CFAP47: variants seen among roughly 807,000 people sequenced by gnomAD.
CFAP47 encodes cilia- and flagella-associated protein 47.
A neutral mutation model predicts 148.1 loss-of-function variants in CFAP47; 29 were observed. The ratio of observed to expected loss-of-function variants is 0.20; its 90% CI spans 0.15 to 0.27. CFAP47 has a LOEUF of 0.27. Ranked by LOEUF, CFAP47 falls within the 10% of genes least tolerant of loss-of-function variation. The pLI, the probability that CFAP47 is intolerant of heterozygous loss-of-function variation, is 1.00. For missense variants in CFAP47, 1,872 were observed against 1,697.5 expected, an observed-to-expected ratio of 1.10 and a Z score of -1.81; for synonymous variants, 664 against 577.3, an observed-to-expected ratio of 1.15 and a Z score of -2.15.
rs376573301 is a variant in CFAP47, at chrX:35,975,603, G to A, written c.2472-69G>A. On this transcript the variant is annotated intron_variant, in intron 14 of 63. Transcript: ENST00000378653. The stretch of plus-strand genomic sequence containing the variant: ...TTAATCAATGCTATGTGCATTTTAC[G>A]TGTAGCTGAATTCTATAATCACAAA... 76 of 1,080,473 alleles carry A rather than the reference G, an allele frequency of 7.0e-5. No individual in the cohort carries two copies. In the African/African-American group the frequency reaches 9.2e-4, roughly 13 times the overall value. The allele number at this position is 1,080,473 out of a possible 1,213,427, so 89.0% of individuals were successfully genotyped here.
intron 29 of CFAP47, among the ~76,000 whole-genome samples, chrX:36,081,532 C>T (rs1390535860): frequency 1.8e-5 from 2 of 110,619 alleles, no homozygotes; most frequent in African/African-American, 6.6e-5. Context: ...CTGGCAGAGA[C>T]ACATTGAAAA....
At chrX:36,034,005 A>G (rs1176027307) in intron 23 of CFAP47, among the ~76,000 whole-genome samples, 1 of 111,383 alleles carries the variant, frequency 9.0e-6, no homozygotes, top group Non-Finnish European at 1.9e-5. Context: ...AGAAATTAAC[A>G]TTAGTACAAC....
intron 39 of CFAP47, among the ~76,000 whole-genome samples, chrX:36,165,574 A>G (rs1939479970): frequency 9.0e-6 from 1 of 111,288 alleles, no homozygotes; most frequent in Admixed American, 9.6e-5. Context: ...ACCCAACAAT[A>G]TATTGCTATA....
chrX:35,966,610 G>T lies in CFAP47; in HGVS notation c.1456G>T (p.Val486Leu). Residue 486 changes from valine to leucine, a missense_variant, in exon 9 of 64, where the codon GTG (valine) becomes TTG (leucine). By Grantham distance (32) the Val-to-Leu change is conservative. Coordinates refer to ENST00000378653, the MANE Select transcript of CFAP47 (RefSeq NM_001304548.2). ...TCCACATCAACTTGGAGTCTTCAAA[G>T]TGAAGCAGATGATAGAGATTATTGG... Reference protein sequence around the residue: ...FVPHQLGVFKVKQMIEIIGLV... With the variant: ...FVPHQLGVFKLKQMIEIIGLV... 1 of 1,132,230 alleles carries T rather than the reference G, an allele frequency of 8.8e-7. No homozygotes were observed. Among genetic ancestry groups the T allele is most frequent in the Admixed American group, 2.5e-5 (1 of 40,153 alleles). The allele number at this position is 1,132,230 out of a possible 1,213,427, so 93.3% of individuals were successfully genotyped here. A position where few individuals can be genotyped will look rare whatever the true frequency, so the allele number is the denominator to read the frequency against.
intron 37 of CFAP47, among the ~76,000 whole-genome samples, chrX:36,158,485 A>G (rs762014204): frequency 2.1e-3 from 240 of 112,167 alleles, no homozygotes; most frequent in Non-Finnish European, 3.4e-3. Context: ...GGGCAATATC[A>G]AAATAAAAGG....
intron 21 of CFAP47, among the ~76,000 whole-genome samples, chrX:36,012,118 A>G (rs1282609284): frequency 8.9e-6 from 1 of 111,861 alleles, no homozygotes; most frequent in Non-Finnish European, 1.9e-5. Context: ...ACAATGAGAT[A>G]CTATCTGATG....
chrX:35,958,527 C>G (rs758914892), intron 8 of CFAP47, among the ~76,000 whole-genome samples: 1 of 111,821 alleles, frequency 8.9e-6, no homozygotes, highest in Non-Finnish European at 1.9e-5. Flanking sequence ...TACCCATACC[C>G]TCCACCACAC....
At chrX:36,336,812 A>C (rs1472148303) in intron 57 of CFAP47, among the ~76,000 whole-genome samples, 1 of 111,895 alleles carries the variant, frequency 8.9e-6, no homozygotes, top group Non-Finnish European at 1.9e-5. Context: ...TTGAAATAAA[A>C]GGCAACTATT....
At chrX:36,177,230 C>A (rs751793130) in intron 39 of CFAP47, among the ~76,000 whole-genome samples, 1 of 112,035 alleles carries the variant, frequency 8.9e-6, no homozygotes, top group African/African-American at 3.2e-5. Flanking sequence ...GATTCAGACA[C>A]ATGTAGATTG....
intron 48 of CFAP47, among the ~76,000 whole-genome samples, chrX:36,245,476 A>T (rs1173515954): frequency 8.9e-6 from 1 of 112,295 alleles, no homozygotes; most frequent in Non-Finnish European, 1.9e-5. Context: ...ATGATAAAAA[A>T]ACTTTAATAG....
chrX:36,195,440 G>A (rs1230797222), intron 42 of CFAP47, among the ~76,000 whole-genome samples: 3 of 111,835 alleles, frequency 2.7e-5, no homozygotes, highest in African/African-American at 9.7e-5. Context: ...TATTGAGTAG[G>A]GCAGTTAATT....
At chrX:36,306,983 C>G (rs1941355883) in intron 55 of CFAP47, 107 bp downstream of exon 55, 2 of 341,107 alleles carry the variant, frequency 5.9e-6, no homozygotes, top group East Asian at 1.0e-4. Context: ...GCAAGTAAAA[C>G]AAGTTAATTA....
At chrX:36,243,669 A>G (rs909062041) in intron 48 of CFAP47, among the ~76,000 whole-genome samples, 748 of 73,371 alleles carry the variant, frequency 0.01, 10 homozygotes, top group African/African-American at 0.069. Context: ...ATATATATAT[A>G]TATATATATA....
At chrX:35,957,746 C>G (rs889477519) in intron 8 of CFAP47, among the ~76,000 whole-genome samples, 7 of 112,097 alleles carry the variant, frequency 6.2e-5, no homozygotes, top group African/African-American at 1.9e-4. Flanking sequence ...ATTTTTCCAA[C>G]ACTAATAATT....
intron 57 of CFAP47, among the ~76,000 whole-genome samples, chrX:36,329,187 T>C (rs894106063): frequency 4.5e-5 from 5 of 111,509 alleles, no homozygotes; most frequent in Non-Finnish European, 9.4e-5. Context: ...GATCCTATGA[T>C]AAAGATTATC....
intron 57 of CFAP47, among the ~76,000 whole-genome samples, chrX:36,320,789 A>G (rs1285706561): frequency 8.0e-5 from 9 of 112,097 alleles, no homozygotes; most frequent in Non-Finnish European, 1.5e-4. Context: ...TAATGTTTCT[A>G]TAGTGAAACT....
intron 8 of CFAP47, among the ~76,000 whole-genome samples, chrX:35,960,875 C>A (rs1936320873): frequency 9.0e-6 from 1 of 111,269 alleles, no homozygotes; most frequent in African/African-American, 3.3e-5. Context: ...CCTACTTGTC[C>A]TAGCTAGAAC....
At chrX:36,053,183 T>C (rs1280509804) in intron 26 of CFAP47, among the ~76,000 whole-genome samples, 1 of 111,857 alleles carries the variant, frequency 8.9e-6, no homozygotes, top group East Asian at 2.8e-4. Context: ...TAATGTGAGT[T>C]GCGTACCTCT....
At chrX:36,207,391 C>A (rs1375932196) in intron 45 of CFAP47, among the ~76,000 whole-genome samples, 3 of 110,593 alleles carry the variant, frequency 2.7e-5, no homozygotes, top group African/African-American at 9.9e-5. Flanking sequence ...GTTCCCCTAA[C>A]TGCAGAAGAC....
Sources: gnomAD v4.1 joint callset for allele counts (sites outside exome capture counted in the v4.1 genomes callset) on GRCh38, gnomAD v4.1.1 for gene constraint, MANE v1.5 for transcripts, NCBI Gene and HGNC (gene_info 2026-07-23, HGNC 2026-07-21) for gene names.